Variants in CACNA2D3 observed in about 807,000 individuals in gnomAD.
CACNA2D3 encodes calcium voltage-gated channel auxiliary subunit alpha2delta 3.
Under a neutral mutation model 160.6 loss-of-function variants are expected in CACNA2D3, and 60 were observed. That is an observed-to-expected ratio of 0.37 (90% CI 0.30 to 0.46). The LOEUF (loss-of-function observed/expected upper bound fraction) is 0.46, where lower values mean the gene tolerates loss of function less well. Ranked by LOEUF, CACNA2D3 falls within the 20% of genes least tolerant of loss-of-function variation. CACNA2D3 has a pLI of 1.00. For missense variants in CACNA2D3, 1,205 were observed against 1,365.0 expected (o/e 0.88, Z 1.85); for synonymous variants, 558 against 492.9 (o/e 1.13, Z -1.75).
intron 3 of CACNA2D3, among the ~76,000 whole-genome samples, chr3:54,355,347 C>T (rs758499962): frequency 6.6e-6 from 1 of 152,238 alleles, no homozygotes. Context: ...CCGGGCACTC[C>T]GGCTGCTGTA....
intron 2 of CACNA2D3, among the ~76,000 whole-genome samples, chr3:54,315,068 G>A (rs888266682): frequency 6.6e-6 from 1 of 152,216 alleles, no homozygotes; most frequent in Non-Finnish European, 1.5e-5. Flanking sequence ...GCACAGCTGT[G>A]TGGAGAGGCA....
At chr3:54,340,903 A>G (rs999162091) in intron 3 of CACNA2D3, among the ~76,000 whole-genome samples, 2 of 152,176 alleles carry the variant, frequency 1.3e-5, no homozygotes, top group African/African-American at 2.4e-5. Context: ...CCACAGAGGT[A>G]TGAGGTCAGA....
At chr3:54,884,474 A>G (rs1392658850) in intron 21 of CACNA2D3, among the ~76,000 whole-genome samples, 2 of 152,256 alleles carry the variant, frequency 1.3e-5, no homozygotes, top group Non-Finnish European at 2.9e-5. Context: ...TGAGTGCAGT[A>G]AGATACTATC....
At chr3:54,326,371 A>G (rs1424120893) in intron 3 of CACNA2D3, among the ~76,000 whole-genome samples, 1 of 152,212 alleles carries the variant, frequency 6.6e-6, no homozygotes, top group Non-Finnish European at 1.5e-5. Flanking sequence ...TATGACTATA[A>G]CATACATCAG....
At chr3:54,743,318 A>T (rs1701689567) in intron 11 of CACNA2D3, among the ~76,000 whole-genome samples, 1 of 152,216 alleles carries the variant, frequency 6.6e-6, no homozygotes, top group African/African-American at 2.4e-5. Context: ...ATGGGTGATG[A>T]GGATGACGGT....
chr3:54,775,017 C>T (rs949483897), intron 13 of CACNA2D3, among the ~76,000 whole-genome samples: 8 of 152,162 alleles, frequency 5.3e-5, no homozygotes, highest in Admixed American at 5.2e-4. Flanking sequence ...TTTTTGGTAT[C>T]TAACATAATG....
intron 35 of CACNA2D3, among the ~76,000 whole-genome samples, chr3:55,031,993 T>C (rs943154107): frequency 2.0e-5 from 3 of 152,212 alleles, no homozygotes; most frequent in African/African-American, 7.2e-5. Flanking sequence ...CTTGGATTAT[T>C]TCAGTAGATC....
At chr3:54,809,952 C>T (rs980302326) in intron 13 of CACNA2D3, among the ~76,000 whole-genome samples, 1 of 152,144 alleles carries the variant, frequency 6.6e-6, no homozygotes, top group Non-Finnish European at 1.5e-5. Context: ...AGGAAGATTA[C>T]ACAGTGCAAC....
chr3:54,736,091 A>G (rs1337410874), intron 11 of CACNA2D3, among the ~76,000 whole-genome samples: 3 of 16,968 alleles, frequency 1.8e-4, no homozygotes, highest in Admixed American at 1.7e-3. Context: ...ATGTATGTGT[A>G]TATATATACA....
chr3:54,895,971 AAAAT>A (rs951446118), intron 25 of CACNA2D3, among the ~76,000 whole-genome samples: 7 of 152,360 alleles, frequency 4.6e-5, no homozygotes, highest in Admixed American at 4.6e-4. Flanking sequence ...TGCAGGCCAA[AAAAT>A]AAATAAAAGG....
chr3:54,787,851 G>C (rs1326087888), intron 13 of CACNA2D3, among the ~76,000 whole-genome samples: 5 of 152,188 alleles, frequency 3.3e-5, no homozygotes, highest in Admixed American at 3.3e-4. Flanking sequence ...CAGGAAATTT[G>C]TGTCCAAATT....
intron 13 of CACNA2D3, among the ~76,000 whole-genome samples, chr3:54,790,808 C>T (rs1283062416): frequency 6.6e-6 from 1 of 152,156 alleles, no homozygotes; most frequent in Non-Finnish European, 1.5e-5. Context: ...CTACAGTCCA[C>T]CATCCAGAAG....
intron 27 of CACNA2D3, among the ~76,000 whole-genome samples, chr3:54,907,981 A>G (rs555760467): frequency 6.6e-6 from 1 of 152,302 alleles, no homozygotes; most frequent in East Asian, 1.9e-4. Flanking sequence ...AAGTTGATGG[A>G]TGCTTTTTTA....
chr3:54,802,751 C>G (rs1161589567), intron 13 of CACNA2D3, among the ~76,000 whole-genome samples: 1 of 152,122 alleles, frequency 6.6e-6, no homozygotes, highest in Admixed American at 6.6e-5. Context: ...GGCAGACTGC[C>G]TCCTCAAGTG....
chr3:54,384,286 G>A (rs764856981), intron 3 of CACNA2D3, among the ~76,000 whole-genome samples: 1 of 152,094 alleles, frequency 6.6e-6, no homozygotes, highest in Non-Finnish European at 1.5e-5. Context: ...ATGCTCAAAT[G>A]CATGACTTGT....
At chr3:54,150,461 AG>A (rs1317718688) in intron 2 of CACNA2D3, among the ~76,000 whole-genome samples, 2 of 152,200 alleles carry the variant, frequency 1.3e-5, no homozygotes, top group African/African-American at 4.8e-5. Flanking sequence ...GGGACTCCAC[AG>A]GCCTGGACAC....
intron 3 of CACNA2D3, among the ~76,000 whole-genome samples, chr3:54,344,454 A>G (rs1698420815): frequency 6.6e-6 from 1 of 152,152 alleles, no homozygotes; most frequent in Admixed American, 6.5e-5. Context: ...ACTGCTGGAA[A>G]CCATAAAGTA....
chr3:54,626,324 G>A (rs1015421684), intron 9 of CACNA2D3: 1 of 1,553,470 alleles, frequency 6.4e-7, no homozygotes, highest in African/African-American at 1.4e-5. Flanking sequence ...CCGCTGTACA[G>A]TGCGCGCCAG....
intron 31 of CACNA2D3, among the ~76,000 whole-genome samples, chr3:54,992,406 G>A (rs972355114): frequency 6.6e-6 from 1 of 152,084 alleles, no homozygotes; most frequent in Non-Finnish European, 1.5e-5. Context: ...CTGAGTGTGG[G>A]CACTCAGCTT....
Sources: gnomAD v4.1 joint callset for allele counts (sites outside exome capture counted in the v4.1 genomes callset) on GRCh38, gnomAD v4.1.1 for gene constraint, MANE v1.5 for transcripts, NCBI Gene and HGNC (gene_info 2026-07-23, HGNC 2026-07-21) for gene names.